STAC: variants seen among roughly 807,000 people sequenced by gnomAD.
STAC encodes SH3 and cysteine-rich domain-containing protein.
STAC carries 43 observed loss-of-function variants against 48.8 expected under a neutral mutation model. The observed-to-expected ratio is 0.88, with a 90% confidence interval of 0.69 to 1.14. The LOEUF is 1.14. Ranked by LOEUF, STAC falls within the 50% of genes most tolerant of loss-of-function variation. STAC has a pLI of 0.00. For synonymous variants in STAC, 193 were observed against 179.5 expected (o/e 1.07, Z -0.60); for missense variants, 497 against 504.0 (o/e 0.99, Z 0.13).
intron 4 of STAC, chr3:36,485,714 T>C (rs78382041): frequency 0.018 from 2,687 of 153,464 alleles, 21 homozygotes; most frequent in Non-Finnish European, 0.021. Context: ...AGAAAGCTTT[T>C]AATTAGAAAT....
intron 2 of STAC, among the ~76,000 whole-genome samples, chr3:36,464,146 G>A (rs556112020): frequency 6.6e-6 from 1 of 152,208 alleles, no homozygotes; most frequent in Non-Finnish European, 1.5e-5. Context: ...CAGTGTAAAA[G>A]TGTTCCTATT....
intron 2 of STAC, among the ~76,000 whole-genome samples, chr3:36,469,902 T>C (rs1442975879): frequency 6.6e-6 from 1 of 152,240 alleles, no homozygotes; most frequent in Non-Finnish European, 1.5e-5. Context: ...TTAAGTGTCC[T>C]TGATTTTCAG....
chr3:36,424,253 T>C, intron 1 of STAC, among the ~76,000 whole-genome samples: 1 of 150,156 alleles, frequency 6.7e-6, no homozygotes. Context: ...GTGTATTTTC[T>C]CCGAAAAAAA....
At chr3:36,454,692 A>C (rs1018518392) in intron 2 of STAC, among the ~76,000 whole-genome samples, 1 of 152,228 alleles carries the variant, frequency 6.6e-6, no homozygotes, top group African/African-American at 2.4e-5. Context: ...CCAGAAAATA[A>C]AAATTTGCCA....
intron 1 of STAC, among the ~76,000 whole-genome samples, chr3:36,397,848 G>A (rs1699884941): frequency 1.3e-5 from 2 of 151,848 alleles, no homozygotes; most frequent in Non-Finnish European, 2.9e-5. Flanking sequence ...TTGTGGTTAG[G>A]ATTATTTTGG....
chr3:36,508,863 T>G (rs922623034), intron 8 of STAC, among the ~76,000 whole-genome samples: 2 of 152,198 alleles, frequency 1.3e-5, no homozygotes, highest in Admixed American at 1.3e-4. Flanking sequence ...GTCTTGACTC[T>G]TTATCCAATT....
chr3:36,465,437 T>A (rs1466008746), intron 2 of STAC, among the ~76,000 whole-genome samples: 1 of 152,242 alleles, frequency 6.6e-6, no homozygotes, highest in Non-Finnish European at 1.5e-5. Context: ...ATTATTTATG[T>A]TGCTGTGAAG....
chr3:36,441,206 C>T (rs1696337599), intron 1 of STAC, among the ~76,000 whole-genome samples: 1 of 152,132 alleles, frequency 6.6e-6, no homozygotes, highest in African/African-American at 2.4e-5. Flanking sequence ...TCCTATCTAG[C>T]TGTCATTTTT....
chr3:36,434,123 G>A (rs1323981872), intron 1 of STAC, among the ~76,000 whole-genome samples: 1 of 152,140 alleles, frequency 6.6e-6, no homozygotes, highest in Non-Finnish European at 1.5e-5. Flanking sequence ...AGGTGAATGT[G>A]GAAAGTGCTT....
intron 2 of STAC, among the ~76,000 whole-genome samples, chr3:36,454,867 G>A (rs566900543): frequency 1.3e-5 from 2 of 152,320 alleles, no homozygotes; most frequent in South Asian, 4.1e-4. Flanking sequence ...GAAAGAGGCT[G>A]TCTCTCTCAA....
chr3:36,500,922 C>T (rs1227755462), intron 6 of STAC, among the ~76,000 whole-genome samples: 1 of 152,030 alleles, frequency 6.6e-6, no homozygotes, highest in Non-Finnish European at 1.5e-5. Context: ...GAGACTCTGT[C>T]TCTACACAGA....
At chr3:36,399,381 G>A (rs1699954859) in intron 1 of STAC, among the ~76,000 whole-genome samples, 1 of 152,214 alleles carries the variant, frequency 6.6e-6, no homozygotes, top group East Asian at 1.9e-4. Flanking sequence ...CAAAAGAAGA[G>A]TGCTGCATTT....
intron 1 of STAC, among the ~76,000 whole-genome samples, chr3:36,418,255 T>C (rs1296210191): frequency 6.6e-6 from 1 of 152,206 alleles, no homozygotes; most frequent in Non-Finnish European, 1.5e-5. Context: ...ATGAACTCTT[T>C]AATGGCTTTG....
rs113054910 is a variant in STAC at position 36,490,225 on chromosome 3, T to C, written c.688-2926T>C. On this transcript the variant is annotated intron_variant, in intron 5 of 10. Transcript: ENST00000273183. ...GTTTGAAACAGAGATCCAAGAATGC[T>C]AATCATCTCCCTAACCCCACGTACC... Among the ~76,000 whole-genome samples the C allele has an allele frequency of 7.1e-3, 1,077 of 152,304 alleles. 10 individuals carry two copies. The highest frequency in any genetic ancestry group is 0.011 in the Non-Finnish European group (776 of 68,026).
At chr3:36,412,101 G>C (rs1393904932) in intron 1 of STAC, among the ~76,000 whole-genome samples, 1 of 152,164 alleles carries the variant, frequency 6.6e-6, no homozygotes, top group South Asian at 2.1e-4. Flanking sequence ...ATAGCAAGAA[G>C]TCTGGAGGTG....
At chr3:36,389,080 G>A (rs1699684122) in intron 1 of STAC, among the ~76,000 whole-genome samples, 1 of 152,122 alleles carries the variant, frequency 6.6e-6, no homozygotes, top group African/African-American at 2.4e-5. Context: ...CAAAAACATA[G>A]TATATCTGTA....
At chr3:36,540,554 T>C (rs1699301134) in intron 10 of STAC, among the ~76,000 whole-genome samples, 1 of 151,728 alleles carries the variant, frequency 6.6e-6, no homozygotes, top group Non-Finnish European at 1.5e-5. Context: ...CAAAGAGAGA[T>C]AAAGTATGAG....
At chr3:36,468,231 T>A (rs1165067312) in intron 2 of STAC, among the ~76,000 whole-genome samples, 1 of 151,948 alleles carries the variant, frequency 6.6e-6, no homozygotes, top group Non-Finnish European at 1.5e-5. Context: ...TGATATAGTT[T>A]TAATTTTATT....
chr3:36,398,355 GAAAGAAAGAAAGA>G (rs1699905645), intron 1 of STAC, among the ~76,000 whole-genome samples: 15 of 133,494 alleles, frequency 1.1e-4, no homozygotes, highest in Admixed American at 6.8e-4. Context: ...AAGAAAGAAA[GAAAGAAAGAAAGA>G]AAAGAAAGAG....
Sources: gnomAD v4.1 joint callset for allele counts (sites outside exome capture counted in the v4.1 genomes callset) on GRCh38, gnomAD v4.1.1 for gene constraint, MANE v1.5 for transcripts, NCBI Gene and HGNC (gene_info 2026-07-23, HGNC 2026-07-21) for gene names.